Variants in PFN2 observed in about 807,000 individuals in gnomAD.
The protein encoded by PFN2 is profilin 2, also known as profilin-2.
Under a neutral mutation model 15.3 loss-of-function variants are expected in PFN2, and 8 were observed. That is an observed-to-expected ratio of 0.52 (90% confidence interval 0.31 to 0.95). PFN2 has a LOEUF of 0.95. Among genes scored for constraint, PFN2 ranks in the 40% least tolerant of loss-of-function variants. The pLI is 0.05. For synonymous variants in PFN2, 79 were observed against 67.9 expected (o/e 1.16, Z -0.81); for missense variants, 111 against 182.3 (o/e 0.61, Z 2.25).
In PFN2 at chr3:149,966,526, T is replaced by C; in HGVS notation, c.386A>G (p.Tyr129Cys). The change falls in exon 3 of 3, where the codon TAC becomes TGC. Residue 129 changes from tyrosine to cysteine, a missense_variant. By Grantham distance (194) the Tyr-to-Cys change is radical (BLOSUM62 -2). This residue lies in a region of PFN2 where 47 missense variants were observed against 112.7 expected (regional missense o/e 0.42). Transcript: ENST00000239940. ...VHGGGLNKKAYSMAKYLRDSG... is the reference protein window; with the variant it reads ...VHGGGLNKKACSMAKYLRDSG... ...GTCTCTCAAGTATTTTGCCATTGAG[T>C]ATGCCTTCTTATTCAATCCGCCTCC... 1 of 1,613,172 alleles carries C rather than the reference T, an allele frequency of 6.2e-7. No homozygotes were observed. The highest frequency in any genetic ancestry group is 8.5e-7 in the Non-Finnish European group (1 of 1,179,170).
rs772393980 is a variant in PFN2, at chr3:149,968,491, C to T, written c.192G>A (p.Leu64=). Reference sequence around the variant, plus strand: ...CTGAGCATTTCTTCGCGCCAAGAGTCAAACCGTTGGTAAAGAAACCTTCCC... The same window carrying T: ...CTGAGCATTTCTTCGCGCCAAGAGTTAAACCGTTGGTAAAGAAACCTTCCC... ...KDREGFFTNG[L]TLGAKKCSVI... The change falls in exon 2 of 3, where the codon TTG becomes TTA. Residue 64 remains leucine, a synonymous_variant. Coordinates refer to ENST00000239940, the MANE Select transcript of PFN2 (RefSeq NM_053024.4). 4.3e-6 allele frequency: 7 copies of T among 1,613,528 alleles called. No individual in the cohort carries two copies. The highest frequency in any genetic ancestry group is 3.3e-5 in the Admixed American group (2 of 59,978).
intron 2 of PFN2, 63 bp from the exon 3 acceptor site, chr3:149,966,649 TAGC>T: frequency 8.2e-7 from 1 of 1,225,972 alleles, no homozygotes; most frequent in Non-Finnish European, 1.2e-6. Flanking sequence ...ACATAAGTTT[TAGC>T]AGACAGAACC....
Position 149,966,628 on chromosome 3 carries a change from T to C in PFN2, c.326-42A>G. ...AAAAGTGTTTCAAAAGAAGTGTTAA[T>C]CAAGAAAGTCACATAAGTTTTAGCA... On this transcript the variant is annotated intron_variant, in intron 2 of 2. Transcript: ENST00000239940. 3 of 1,423,028 alleles carry C rather than the reference T, an allele frequency of 2.1e-6. No homozygotes were observed. The South Asian group carries it at 3.5e-5, about 17-fold the overall frequency. The allele number at this position is 1,423,028 out of a possible 1,614,324, so 88.2% of individuals were successfully genotyped here. A position where few individuals can be genotyped will look rare whatever the true frequency, so the allele number is the denominator to read the frequency against.
At chr3:149,968,765 C>T (rs1266552549) in intron 1 of PFN2, 1 of 519,066 alleles carries the variant, frequency 1.9e-6, no homozygotes. Context: ...GATTTGACTT[C>T]AGTTAATGAT....
rs1407645782 is a variant in PFN2 at position 149,970,850 on chromosome 3, C to T, written c.7G>A (p.Gly3Ser). ...AGGTTATCCACGTAGCTCTGCCAAC[C>T]GGCCATCTTCGAGCCCTTCGCACTG... MA[G>S]WQSYVDNLMC... is the part of the protein sequence containing the mutation. Residue 3 changes from glycine (G) to serine (S), a missense_variant, in exon 1 of 3, where the codon GGT becomes AGT. This residue lies in a region of PFN2 where 64 missense variants were observed against 69.7 expected (regional missense o/e 0.92). Transcript: ENST00000239940. 3 of 1,472,440 alleles carry T rather than the reference C, an allele frequency of 2.0e-6. No homozygotes were observed. Among genetic ancestry groups the T allele is most frequent in the Admixed American group, 2.3e-5 (1 of 43,766 alleles). The allele number at this position is 1,472,440 out of a possible 1,614,324, so 91.2% of individuals were successfully genotyped here.
chr3:149,970,811 A>G lies in PFN2; in HGVS notation c.46T>C (p.Cys16Arg). 6.6e-7 allele frequency: 1 copy of G among 1,512,422 alleles called. No homozygotes were observed. The highest frequency in any genetic ancestry group is 8.9e-7 in the Non-Finnish European group (1 of 1,127,026). 93.7% of individuals were successfully genotyped at this position (1,512,422 alleles called of 1,614,324 possible). A position where few individuals can be genotyped will look rare whatever the true frequency, so the allele number is the denominator to read the frequency against. Residue 16 changes from cysteine to arginine, a missense_variant, in exon 1 of 3, where the codon TGC becomes CGC. This residue lies in a region of PFN2 where 64 missense variants were observed against 69.7 expected (regional missense o/e 0.92). Coordinates refer to ENST00000239940, the MANE Select transcript of PFN2 (RefSeq NM_053024.4). ...CCGACAATGGCGGCCTCCTGGCAGC[A>G]GCCATCGCACATCAGGTTATCCACG... is the stretch of plus-strand genomic sequence containing the variant. ...SYVDNLMCDG[C>R]CQEAAIVGYC...
intron 1 of PFN2, chr3:149,970,257 G>A (rs992470125): frequency 3.9e-5 from 6 of 152,310 alleles, no homozygotes; most frequent in Non-Finnish European, 7.3e-5. Flanking sequence ...CGCGGAGCAA[G>A]AGCCGGCCAG....
chr3:149,970,100 C>T (rs1422568282), intron 1 of PFN2, among the ~76,000 whole-genome samples: 2 of 151,940 alleles, frequency 1.3e-5, no homozygotes, highest in South Asian at 2.1e-4. Flanking sequence ...TCGAGATTCA[C>T]GAATCCACCT....
At position 149,966,027 on chromosome 3, in the gene PFN2, A is replaced by G; in HGVS notation, c.*462T>C. 6.7e-7 allele frequency: 1 copy of G among 1,483,668 alleles called. No homozygotes were observed. The highest frequency in any genetic ancestry group is 1.4e-5 in the South Asian group (1 of 71,656). 91.9% of individuals were successfully genotyped at this position (1,483,668 alleles called of 1,614,324 possible). On this transcript the variant is annotated 3_prime_UTR_variant, in exon 3 of 3. Coordinates refer to ENST00000239940, the MANE Select transcript of PFN2 (RefSeq NM_053024.4). ...GTTACATACAGTGGTTAACATACAAATGATCCATTGGGCAAACAGGAATCA... is the reference window on the plus strand; with the variant it reads ...GTTACATACAGTGGTTAACATACAAGTGATCCATTGGGCAAACAGGAATCA...
chr3:149,967,530 G>T (rs866059015), intron 2 of PFN2, among the ~76,000 whole-genome samples: 1 of 152,160 alleles, frequency 6.6e-6, no homozygotes. Context: ...CCCCTCACAT[G>T]GTAGAGCTGT....
intron 2 of PFN2, among the ~76,000 whole-genome samples, chr3:149,967,160 C>T (rs1036445013): frequency 2.0e-5 from 3 of 152,118 alleles, no homozygotes; most frequent in South Asian, 2.1e-4. Context: ...CCGTAGTAGC[C>T]TTGTTTTTAA....
At chr3:149,966,709 C>T in intron 2 of PFN2, 123 bp from the exon 3 acceptor site, 1 of 729,944 alleles carries the variant, frequency 1.4e-6, no homozygotes, top group Non-Finnish European at 2.3e-6. Flanking sequence ...AACTGCCAAG[C>T]ACTGAAGTCA....
chr3:149,966,416 ATTAAGAC>A lies in PFN2; in HGVS notation c.*66_*72del. On this transcript the variant is annotated 3_prime_UTR_variant, in exon 3 of 3. Transcript: ENST00000239940. ...CTGCATTGCTAATAAAATTTCCAGA[ATTAAGAC>A]TTAAGCTTATAGCTAGGAAAGTTTA... is the stretch of plus-strand genomic sequence containing the variant. The A allele has an allele frequency of 6.3e-7, 1 of 1,597,934 alleles. No homozygotes were observed. Among genetic ancestry groups the A allele is most frequent in the Non-Finnish European group, 8.5e-7 (1 of 1,174,248 alleles).
Position 149,965,176 on chromosome 3 carries a change from T to A in PFN2, c.*1313A>T. On this transcript the variant is annotated 3_prime_UTR_variant, in exon 3 of 3. Coordinates refer to ENST00000239940, the MANE Select transcript of PFN2 (RefSeq NM_053024.4). ...AGGTCAGTTAAAATCCATCTCACAA[T>A]AGCAACAGTTCATTTTAACAATAGT... The A allele has an allele frequency of 1.4e-6, 2 of 1,462,534 alleles. No homozygotes were observed. Among genetic ancestry groups the A allele is most frequent in the African/African-American group, 1.4e-5 (1 of 70,686 alleles). 90.6% of individuals were successfully genotyped at this position (1,462,534 alleles called of 1,614,324 possible).
intron 2 of PFN2, among the ~76,000 whole-genome samples, chr3:149,967,412 T>C (rs1244060059): frequency 1.3e-5 from 2 of 152,206 alleles, no homozygotes; most frequent in African/African-American, 2.4e-5. Flanking sequence ...AATTTTCTTA[T>C]AAATCCTTAT....
chr3:149,967,737 C>T (rs1722733731), intron 2 of PFN2, among the ~76,000 whole-genome samples: 1 of 152,152 alleles, frequency 6.6e-6, no homozygotes, highest in South Asian at 2.1e-4. Context: ...ATAATGCTGA[C>T]AACAGTCTGG....
At chr3:149,968,297 G>A (rs1396701138) in intron 2 of PFN2, 61 bp downstream of exon 2, 2 of 1,468,336 alleles carry the variant, frequency 1.4e-6, no homozygotes, top group African/African-American at 1.4e-5. Flanking sequence ...AATGTTAAAA[G>A]AAACTGCTTA....
At chr3:149,968,926 A>G (rs1445072931) in intron 1 of PFN2, 17 of 192,622 alleles carry the variant, frequency 8.8e-5, no homozygotes, top group Non-Finnish European at 1.6e-4. Context: ...AAATTCAGCT[A>G]TCAACTCTGA....
intron 1 of PFN2, chr3:149,970,259 G>A (rs1035826225): frequency 3.3e-5 from 5 of 152,216 alleles, no homozygotes; most frequent in Non-Finnish European, 7.3e-5. Context: ...CGGAGCAAGA[G>A]CCGGCCAGAG....
Sources: gnomAD v4.1 joint callset for allele counts (sites outside exome capture counted in the v4.1 genomes callset) on GRCh38, gnomAD v4.1.1 for gene constraint, gnomAD v4.1.1 regional missense constraint, MANE v1.5 for transcripts, NCBI Gene and HGNC (gene_info 2026-07-23, HGNC 2026-07-21) for gene names.